The following PEX5L variants were observed in gnomAD, a reference collection of about 807,000 sequenced individuals.
PEX5L encodes the protein PEX5-related protein.
PEX5L carries 30 observed loss-of-function variants against 84.0 expected under a neutral mutation model. The ratio of observed to expected loss-of-function variants is 0.36; its 90% CI spans 0.27 to 0.48. PEX5L has a LOEUF of 0.48. PEX5L is among the 20% of genes least tolerant of loss of function. The pLI is 0.99. For missense variants in PEX5L, 533 were observed against 754.6 expected, an observed-to-expected ratio of 0.71 and a Z score of 3.44; for synonymous variants, 270 against 283.1, an observed-to-expected ratio of 0.95 and a Z score of 0.46.
At chr3:179,874,447 T>C (rs1243903098) in intron 6 of PEX5L, 24 bp from the exon 7 acceptor site, 13 of 1,262,478 alleles carry the variant, frequency 1.0e-5, no homozygotes, top group Non-Finnish European at 1.5e-5. Context: ...ATTAAGGAAA[T>C]TAAACGTACA....
In PEX5L at chr3:179,848,717, T is replaced by C. The variant is rs146682290; in HGVS notation, c.822+10345A>G. 2.2e-4 allele frequency among the ~76,000 whole-genome samples: 33 copies of C among 152,330 alleles called. 1 individual carries two copies. The highest frequency in any genetic ancestry group is 1.3e-4 in the Admixed American group (2 of 15,292). The stretch of plus-strand genomic sequence containing the variant: ...GCTGGAAGGGCCCTGTGGCAGAAAC[T>C]ACTCATTGCCAATCAAAATGCCCTC... On this transcript the variant is annotated intron_variant, in intron 8 of 14. Coordinates refer to ENST00000467460, the MANE Select transcript of PEX5L (RefSeq NM_016559.3).
intron 1 of PEX5L, among the ~76,000 whole-genome samples, chr3:179,997,287 C>A (rs141032335): frequency 0.041 from 6,202 of 152,198 alleles, 410 homozygotes; most frequent in African/African-American, 0.14. Context: ...GCATTGTGGT[C>A]CTCCAGTTAA....
In PEX5L at chr3:179,913,213, A is replaced by G. The variant is rs866737123; in HGVS notation, c.94-14967T>C. Among the ~76,000 whole-genome samples, 8 of 152,216 alleles carry G rather than the reference A, an allele frequency of 5.3e-5. No individual in the cohort carries two copies. The South Asian group carries it at 8.3e-4, about 16-fold the overall frequency. ...CAGAGACTTGCTTTTAATTTCTTAT[A>G]CTTAACAGCTGATTTTCTCAGAATG... On this transcript the variant is annotated intron_variant, in intron 2 of 14. Transcript: ENST00000467460.
chr3:179,965,569 C>T (rs1054157961), intron 2 of PEX5L, among the ~76,000 whole-genome samples: 6 of 152,162 alleles, frequency 3.9e-5, no homozygotes, highest in African/African-American at 7.2e-5. Flanking sequence ...TGACACGTGA[C>T]TCTCTGTATT....
chr3:179,989,160 T>C (rs1330480033), intron 1 of PEX5L, among the ~76,000 whole-genome samples: 4 of 152,176 alleles, frequency 2.6e-5, no homozygotes, highest in Non-Finnish European at 5.9e-5. Context: ...CTACCCACTA[T>C]AGGCAGACAG....
At chr3:179,867,043 A>AAAAAAAAAAAAAAAAG (rs1748562231) in intron 7 of PEX5L, among the ~76,000 whole-genome samples, 1 of 136,198 alleles carries the variant, frequency 7.3e-6, no homozygotes, top group South Asian at 2.2e-4. Flanking sequence ...AAAAAAAAAG[A>AAAAAAAAAAAAAAAAG]AAAAAAAAAA....
intron 3 of PEX5L, among the ~76,000 whole-genome samples, chr3:179,891,539 C>T (rs945918976): frequency 1.3e-5 from 2 of 152,034 alleles, no homozygotes; most frequent in Admixed American, 1.3e-4. Flanking sequence ...GCTCTGAAGC[C>T]AGAGAATATC....
chr3:180,026,486 G>C (rs1316424724), intron 1 of PEX5L, among the ~76,000 whole-genome samples: 1 of 152,102 alleles, frequency 6.6e-6, no homozygotes, highest in South Asian at 2.1e-4. Flanking sequence ...GGAGGAAAAA[G>C]ATGTTCTTAT....
At chr3:180,028,156 A>C (rs746623736) in intron 1 of PEX5L, among the ~76,000 whole-genome samples, 1 of 152,150 alleles carries the variant, frequency 6.6e-6, no homozygotes. Flanking sequence ...TCCTCCTCAG[A>C]TTTAACATCC....
intron 2 of PEX5L, among the ~76,000 whole-genome samples, chr3:179,946,056 C>T (rs1445605466): frequency 6.7e-6 from 1 of 148,930 alleles, no homozygotes; most frequent in African/African-American, 2.5e-5. Context: ...TAGGGGTATT[C>T]ATTCTTTATT....
chr3:179,920,577 A>T (rs867104224), intron 2 of PEX5L, among the ~76,000 whole-genome samples: 4 of 152,202 alleles, frequency 2.6e-5, no homozygotes, highest in Admixed American at 1.3e-4. Flanking sequence ...AAAATCTTAC[A>T]AAATAAAGGT....
At chr3:179,891,557 T>C (rs912531047) in intron 3 of PEX5L, among the ~76,000 whole-genome samples, 2 of 152,186 alleles carry the variant, frequency 1.3e-5, no homozygotes, top group Non-Finnish European at 2.9e-5. Flanking sequence ...ATCTTACTTA[T>C]ATTTATATCC....
intron 2 of PEX5L, among the ~76,000 whole-genome samples, chr3:179,939,834 G>A (rs1323663259): frequency 1.3e-5 from 2 of 152,136 alleles, no homozygotes; most frequent in African/African-American, 4.8e-5. Flanking sequence ...GTCTGGTGGT[G>A]TACATCATGC....
intron 1 of PEX5L, among the ~76,000 whole-genome samples, chr3:179,981,889 GT>G (rs372520802): frequency 6.6e-6 from 1 of 152,044 alleles, no homozygotes; most frequent in Non-Finnish European, 1.5e-5. Context: ...GATTTATTGT[GT>G]TTTTTTGGAC....
intron 2 of PEX5L, among the ~76,000 whole-genome samples, chr3:179,900,043 A>G (rs1760768437): frequency 6.6e-6 from 1 of 152,222 alleles, no homozygotes; most frequent in Non-Finnish European, 1.5e-5. Context: ...TTCTGGGAAA[A>G]GATTTATTAT....
At chr3:179,883,160 G>A (rs1007213216) in intron 4 of PEX5L, among the ~76,000 whole-genome samples, 10 of 152,148 alleles carry the variant, frequency 6.6e-5, no homozygotes, top group South Asian at 2.1e-4. Flanking sequence ...GTGTGTATGC[G>A]TGTGATAGTG....
At chr3:179,945,118 C>G (rs1777161715) in intron 2 of PEX5L, among the ~76,000 whole-genome samples, 1 of 152,124 alleles carries the variant, frequency 6.6e-6, no homozygotes, top group African/African-American at 2.4e-5. Flanking sequence ...CAATTGGTTC[C>G]CTTGTTATTT....
chr3:179,973,162 G>T, intron 1 of PEX5L: 1 of 1,288,128 alleles, frequency 7.8e-7, no homozygotes, highest in Non-Finnish European at 1.0e-6. Flanking sequence ...TACGTACCAA[G>T]TAGCTCATTT....
intron 2 of PEX5L, among the ~76,000 whole-genome samples, chr3:179,912,584 C>T (rs928654480): frequency 1.3e-5 from 2 of 152,074 alleles, no homozygotes; most frequent in Admixed American, 1.3e-4. Context: ...AGGTCCTCCA[C>T]TGAAGCTATT....
Sources: allele counts gnomAD v4.1 joint callset (sites outside exome capture counted in the v4.1 genomes callset), GRCh38; gene constraint gnomAD v4.1.1; transcripts MANE v1.5; gene names NCBI Gene and HGNC (gene_info 2026-07-23, HGNC 2026-07-21).